MAGI2: variants seen among roughly 807,000 people sequenced by gnomAD.
MAGI2 encodes membrane associated guanylate kinase, WW and PDZ domain containing 2.
Under a neutral mutation model 133.3 loss-of-function variants are expected in MAGI2, and 35 were observed. The observed-to-expected ratio is 0.26, with a 90% CI of 0.20 to 0.35. The LOEUF (loss-of-function observed/expected upper bound fraction) is 0.35, where lower values mean the gene tolerates loss of function less well. Ranked by LOEUF, MAGI2 falls within the 10% of genes least tolerant of loss-of-function variation. The pLI, the probability that MAGI2 is intolerant of heterozygous loss-of-function variation, is 1.00. For missense variants in MAGI2, 1,636 were observed against 1,863.4 expected, an observed-to-expected ratio of 0.88 and a Z score of 2.25; for synonymous variants, 729 against 710.6, an observed-to-expected ratio of 1.03 and a Z score of -0.41.
chr7:79,258,431 TC>T (rs1172298616), intron 1 of MAGI2, among the ~76,000 whole-genome samples: 1 of 152,176 alleles, frequency 6.6e-6, no homozygotes, highest in East Asian at 1.9e-4. Context: ...TAAACCTTCT[TC>T]CTTCAACCAG....
intron 2 of MAGI2, among the ~76,000 whole-genome samples, chr7:78,829,967 C>T (rs1158726038): frequency 1.3e-5 from 2 of 151,912 alleles, no homozygotes; most frequent in Admixed American, 1.3e-4. Context: ...TTAGAAAGTT[C>T]CTATAGACTA....
chr7:79,035,048 G>A (rs940003127), intron 1 of MAGI2, among the ~76,000 whole-genome samples: 3 of 152,108 alleles, frequency 2.0e-5, no homozygotes, highest in Non-Finnish European at 2.9e-5. Context: ...TTTATTACGA[G>A]AGAAATAATC....
intron 3 of MAGI2, among the ~76,000 whole-genome samples, chr7:78,608,275 T>A (rs61068122): frequency 3.8e-4 from 58 of 152,074 alleles, no homozygotes; most frequent in African/African-American, 1.2e-3. Flanking sequence ...CACAAACCCT[T>A]TCTCCCCATT....
At chr7:78,103,453 T>C (rs1335473865) in intron 20 of MAGI2, among the ~76,000 whole-genome samples, 1 of 152,254 alleles carries the variant, frequency 6.6e-6, no homozygotes, top group Non-Finnish European at 1.5e-5. Context: ...ATCATCATCA[T>C]ACTTGCAACA....
At chr7:79,389,842 G>C (rs1246114662) in intron 1 of MAGI2, among the ~76,000 whole-genome samples, 1 of 151,984 alleles carries the variant, frequency 6.6e-6, no homozygotes, top group Non-Finnish European at 1.5e-5. Context: ...CCTGAGTCTA[G>C]AGCTATCCCC....
intron 1 of MAGI2, among the ~76,000 whole-genome samples, chr7:79,116,526 T>C (rs1819425055): frequency 6.6e-6 from 1 of 152,158 alleles, no homozygotes; most frequent in African/African-American, 2.4e-5. Flanking sequence ...CTGCTAGGAC[T>C]TATCACCTTG....
At chr7:79,280,924 C>T (rs12706099) in intron 1 of MAGI2, among the ~76,000 whole-genome samples, 1 of 67,026 alleles carries the variant, frequency 1.5e-5, no homozygotes, top group Non-Finnish European at 2.4e-5. Flanking sequence ...GACTCTGTCT[C>T]TGAAAAAAAA....
At chr7:78,952,958 T>C (rs984178409) in intron 2 of MAGI2, among the ~76,000 whole-genome samples, 1 of 152,166 alleles carries the variant, frequency 6.6e-6, no homozygotes, top group African/African-American at 2.4e-5. Flanking sequence ...ATGCTTATTG[T>C]TTGGACCTAC....
At chr7:78,679,799 T>G (rs144300668) in intron 2 of MAGI2, among the ~76,000 whole-genome samples, 2 of 152,126 alleles carry the variant, frequency 1.3e-5, no homozygotes, top group African/African-American at 4.8e-5. Context: ...TGAGGTGCTT[T>G]CATTTTAACA....
At chr7:78,714,823 T>C (rs541037111) in intron 2 of MAGI2, among the ~76,000 whole-genome samples, 4 of 152,266 alleles carry the variant, frequency 2.6e-5, no homozygotes, top group African/African-American at 9.6e-5. Flanking sequence ...GCGATGGAAG[T>C]CACAATGATT....
At chr7:78,667,382 T>G (rs527335247) in intron 2 of MAGI2, among the ~76,000 whole-genome samples, 18 of 151,682 alleles carry the variant, frequency 1.2e-4, no homozygotes, top group African/African-American at 3.9e-4. Flanking sequence ...TTTTTTTAAT[T>G]TTTTAAAAAA....
chr7:78,425,093 C>A lies in MAGI2; in HGVS notation c.1046-55880G>T, dbSNP rs185697168. ...ACCCAAATCTCATCTTGAATTGTAA[C>A]TCCCACAATTCCTACATGTCTTGGG... On this transcript the variant is annotated intron_variant, in intron 6 of 21. Coordinates refer to ENST00000354212, the MANE Select transcript of MAGI2 (RefSeq NM_012301.4). 7.2e-5 allele frequency among the ~76,000 whole-genome samples: 11 copies of A among 152,252 alleles called. No homozygotes were observed. In the East Asian group the frequency reaches 2.1e-3, roughly 29 times the overall value.
chr7:79,321,259 T>C (rs189259942), intron 1 of MAGI2, among the ~76,000 whole-genome samples: 22 of 152,286 alleles, frequency 1.4e-4, no homozygotes, highest in African/African-American at 5.3e-4. Context: ...AAGAACCTAC[T>C]TTCAATGTTT....
intron 1 of MAGI2, among the ~76,000 whole-genome samples, chr7:79,384,407 C>T (rs982126036): frequency 7.9e-5 from 12 of 150,984 alleles, no homozygotes; most frequent in Non-Finnish European, 1.3e-4. Flanking sequence ...AAATGAACTC[C>T]TAGGATAAAT....
At chr7:79,124,692 T>C (rs1443617920) in intron 1 of MAGI2, 2 of 152,860 alleles carry the variant, frequency 1.3e-5, no homozygotes, top group Non-Finnish European at 2.9e-5. Flanking sequence ...AGCTTACTGC[T>C]TTCTGCATCA....
chr7:79,418,803 GA>G (rs969461566), intron 1 of MAGI2, among the ~76,000 whole-genome samples: 2 of 136,770 alleles, frequency 1.5e-5, no homozygotes, highest in South Asian at 2.3e-4. Flanking sequence ...CCCCAACAAT[GA>G]AAAAAAAAGC....
At chr7:79,113,429 T>C (rs1018639115) in intron 1 of MAGI2, among the ~76,000 whole-genome samples, 3 of 152,224 alleles carry the variant, frequency 2.0e-5, no homozygotes, top group African/African-American at 7.2e-5. Flanking sequence ...TTTTCATAAA[T>C]TGTCACACGG....
intron 10 of MAGI2, among the ~76,000 whole-genome samples, chr7:78,236,453 C>T (rs1790552873): frequency 1.3e-5 from 2 of 152,072 alleles, no homozygotes; most frequent in African/African-American, 4.8e-5. Flanking sequence ...TAAAATAATT[C>T]AACAAATATG....
chr7:78,629,861 A>G (rs1464050165), intron 2 of MAGI2, among the ~76,000 whole-genome samples: 3 of 152,092 alleles, frequency 2.0e-5, no homozygotes, highest in African/African-American at 7.2e-5. Flanking sequence ...TCTTATCTGC[A>G]TTACTCTCGT....
Sources: gnomAD v4.1 joint callset for allele counts (sites outside exome capture counted in the v4.1 genomes callset) on GRCh38, gnomAD v4.1.1 for gene constraint, MANE v1.5 for transcripts, NCBI Gene and HGNC (gene_info 2026-07-23, HGNC 2026-07-21) for gene names.